The following RBFOX1 variants were observed in gnomAD, a reference collection of about 807,000 sequenced individuals.
RBFOX1 encodes RNA binding protein fox-1 homolog 1.
In RBFOX1, 8 loss-of-function variants were observed where a neutral mutation model predicts 57.7. That is an observed-to-expected ratio of 0.14 (90% CI 0.08 to 0.25). RBFOX1 has a LOEUF of 0.25. Among genes scored for constraint, RBFOX1 ranks in the 10% least tolerant of loss-of-function variants. RBFOX1 has a pLI of 1.00. For missense variants in RBFOX1, 611 were observed against 548.5 expected, an observed-to-expected ratio of 1.11 and a Z score of -1.14; for synonymous variants, 326 against 222.4, an observed-to-expected ratio of 1.47 and a Z score of -4.15.
intron 4 of RBFOX1, among the ~76,000 whole-genome samples, chr16:7,093,508 G>A (rs945777992): frequency 2.0e-5 from 3 of 152,188 alleles, no homozygotes; most frequent in Non-Finnish European, 4.4e-5. Context: ...GCATCTTTAA[G>A]TCAGAGGTAC....
intron 2 of RBFOX1, among the ~76,000 whole-genome samples, chr16:6,346,493 A>C (rs543649002): frequency 6.2e-4 from 89 of 142,870 alleles, no homozygotes; most frequent in South Asian, 1.4e-3. Context: ...GTACTGTTCC[A>C]ACGAGGCAAG....
chr16:7,125,509 T>C (rs9923362), intron 4 of RBFOX1, among the ~76,000 whole-genome samples: 90,462 of 151,976 alleles, frequency 0.6, 27,433 homozygotes, highest in East Asian at 0.86. Flanking sequence ...AGTTTGTTCC[T>C]TCAGAAAATA....
At chr16:6,688,235 G>C (rs1363036006) in intron 3 of RBFOX1, among the ~76,000 whole-genome samples, 1 of 151,870 alleles carries the variant, frequency 6.6e-6, no homozygotes, top group Admixed American at 6.6e-5. Flanking sequence ...AGGAGGAAGA[G>C]AGAGATGGCA....
chr16:7,237,028 G>C (rs944330033), intron 4 of RBFOX1, among the ~76,000 whole-genome samples: 1 of 152,226 alleles, frequency 6.6e-6, no homozygotes, highest in Non-Finnish European at 1.5e-5. Flanking sequence ...AGAGGTTATT[G>C]CATCACCCAT....
intron 3 of RBFOX1, among the ~76,000 whole-genome samples, chr16:5,724,058 C>T (rs1201910419): frequency 3.9e-5 from 6 of 152,124 alleles, no homozygotes; most frequent in Non-Finnish European, 5.9e-5. Context: ...CATGTGCCTG[C>T]GTGCAGACTG....
chr16:7,005,259 C>T lies in RBFOX1; in HGVS notation c.-15-46798C>T, dbSNP rs560640259. Among the ~76,000 whole-genome samples the T allele has an allele frequency of 7.2e-5, 11 of 152,248 alleles. No homozygotes were observed. In the South Asian group the frequency reaches 2.3e-3, roughly 32 times the overall value. ...TGAGTGCTAATAGCTTTCCCCTTAC[C>T]TTTCAAGAGAACCTAAAGATACTTG... On this transcript the variant is annotated intron_variant, in intron 3 of 15. Transcript: ENST00000550418.
At chr16:5,914,620 G>A (rs141673735) in intron 4 of RBFOX1, among the ~76,000 whole-genome samples, 190 of 152,330 alleles carry the variant, frequency 1.2e-3, no homozygotes, top group African/African-American at 4.1e-3. Flanking sequence ...AGAGAGGCCG[G>A]GCGAGGTGGC....
At chr16:6,833,721 G>C (rs2092882582) in intron 3 of RBFOX1, among the ~76,000 whole-genome samples, 1 of 152,198 alleles carries the variant, frequency 6.6e-6, no homozygotes, top group Non-Finnish European at 1.5e-5. Context: ...GACTCTAGAT[G>C]CTATGGAATA....
intron 4 of RBFOX1, among the ~76,000 whole-genome samples, chr16:7,338,307 T>C (rs1358332106): frequency 6.6e-6 from 1 of 152,136 alleles, no homozygotes; most frequent in East Asian, 1.9e-4. Flanking sequence ...GCCTAAACTT[T>C]CTATAGCTAG....
intron 3 of RBFOX1, among the ~76,000 whole-genome samples, chr16:5,712,983 A>C (rs1023730824): frequency 1.2e-4 from 18 of 152,124 alleles, no homozygotes; most frequent in African/African-American, 4.3e-4. Flanking sequence ...TCCTTGTAGT[A>C]GTACATGCTG....
intron 1 of RBFOX1, among the ~76,000 whole-genome samples, chr16:6,226,297 C>A (rs1001347820): frequency 1.4e-5 from 2 of 138,698 alleles, no homozygotes; most frequent in African/African-American, 5.3e-5. Context: ...CACTTGAACC[C>A]GGGAGGTGGA....
chr16:5,700,029 T>C (rs1050818731), intron 3 of RBFOX1, among the ~76,000 whole-genome samples: 1 of 152,110 alleles, frequency 6.6e-6, no homozygotes, highest in African/African-American at 2.4e-5. Context: ...AGACGGGGTT[T>C]TACCGTGTTA....
chr16:6,746,541 A>G (rs1399503199), intron 3 of RBFOX1, among the ~76,000 whole-genome samples: 1 of 151,980 alleles, frequency 6.6e-6, no homozygotes, highest in African/African-American at 2.4e-5. Context: ...GCCGGGCATG[A>G]TGGCACATGT....
chr16:6,923,299 C>A (rs1009218263), intron 3 of RBFOX1, among the ~76,000 whole-genome samples: 3 of 152,098 alleles, frequency 2.0e-5, no homozygotes, highest in Non-Finnish European at 4.4e-5. Context: ...TTTGGGATGC[C>A]AAGGCGGGAG....
chr16:6,975,640 G>C (rs1264228665), intron 3 of RBFOX1, among the ~76,000 whole-genome samples: 1 of 152,156 alleles, frequency 6.6e-6, no homozygotes, highest in Non-Finnish European at 1.5e-5. Context: ...CAGATGAAAA[G>C]ACTGAGCCAC....
chr16:6,014,509 GGTGA>G (rs1413211945), upstream of RBFOX1, among the ~76,000 whole-genome samples: 2 of 152,176 alleles, frequency 1.3e-5, no homozygotes, highest in Non-Finnish European at 2.9e-5. Context: ...CACGATAGAT[GGTGA>G]GTGAGTTCAA....
intron 5 of RBFOX1, among the ~76,000 whole-genome samples, chr16:7,569,965 C>T (rs1480439534): frequency 6.6e-6 from 1 of 152,108 alleles, no homozygotes; most frequent in African/African-American, 2.4e-5. Flanking sequence ...GGGGATCCTT[C>T]ACATGTCATT....
At chr16:7,591,459 A>G (rs2094439724) in intron 7 of RBFOX1, among the ~76,000 whole-genome samples, 1 of 152,224 alleles carries the variant, frequency 6.6e-6, no homozygotes, top group African/African-American at 2.4e-5. Flanking sequence ...CTAAAAATAC[A>G]AAAGATGAAA....
chr16:5,567,483 C>T (rs572855310), intron 2 of RBFOX1, among the ~76,000 whole-genome samples: 75 of 152,154 alleles, frequency 4.9e-4, no homozygotes, highest in Non-Finnish European at 1.6e-4. Flanking sequence ...AAGCATCCAG[C>T]GGGTCACCAC....
Sources: allele counts gnomAD v4.1 joint callset (sites outside exome capture counted in the v4.1 genomes callset), GRCh38; gene constraint gnomAD v4.1.1; transcripts MANE v1.5; gene names NCBI Gene and HGNC (gene_info 2026-07-23, HGNC 2026-07-21).